Variants in CRTAM observed in about 807,000 individuals in gnomAD.
CRTAM encodes cytotoxic and regulatory T-cell molecule.
In CRTAM, 44 loss-of-function variants were observed where a neutral mutation model predicts 50.0. The observed-to-expected ratio is 0.88, with a 90% CI of 0.69 to 1.13. The LOEUF (loss-of-function observed/expected upper bound fraction) is 1.13, where lower values mean the gene tolerates loss of function less well. Among genes scored for constraint, CRTAM ranks in the 50% most tolerant of loss-of-function variants. The probability of loss-of-function intolerance (pLI) is 0.00; values close to 1 mark genes in which losing one functional copy is unlikely to be tolerated. For missense variants in CRTAM, 448 were observed against 457.5 expected (o/e 0.98, Z 0.19); for synonymous variants, 159 against 169.3 (o/e 0.94, Z 0.47).
intron 9 of CRTAM, among the ~76,000 whole-genome samples, chr11:122,869,777 A>G (rs1862231200): frequency 6.6e-6 from 1 of 152,174 alleles, no homozygotes; most frequent in South Asian, 2.1e-4. Flanking sequence ...GTGAACTGAA[A>G]AGAATGAATA....
intron 2 of CRTAM, 78 bp downstream of exon 2, chr11:122,850,292 A>T: frequency 7.0e-7 from 1 of 1,433,844 alleles, no homozygotes; most frequent in South Asian, 1.5e-5. Context: ...TTGGTGGGAC[A>T]GAAAGCCTGC....
chr11:122,869,860 G>A (rs1317021958), intron 9 of CRTAM, among the ~76,000 whole-genome samples: 3 of 152,154 alleles, frequency 2.0e-5, no homozygotes, highest in African/African-American at 4.8e-5. Flanking sequence ...GAAAATGTGT[G>A]TAAATAACAT....
intron 6 of CRTAM, among the ~76,000 whole-genome samples, chr11:122,864,411 G>T (rs1591356764): frequency 6.6e-6 from 1 of 152,122 alleles, no homozygotes; most frequent in East Asian, 1.9e-4. Flanking sequence ...TCAAGGCCAG[G>T]CACAGAGTAA....
chr11:122,855,919 C>A (rs549247711), intron 5 of CRTAM, 63 bp downstream of exon 5: 13 of 1,382,934 alleles, frequency 9.4e-6, no homozygotes, highest in Non-Finnish European at 1.3e-5. Context: ...CACTATCAAA[C>A]AAAATTAAAT....
intron 5 of CRTAM, among the ~76,000 whole-genome samples, chr11:122,859,032 T>A (rs1862039659): frequency 6.6e-6 from 1 of 152,152 alleles, no homozygotes; most frequent in African/African-American, 2.4e-5. Flanking sequence ...AAATTAAAAC[T>A]GAGAAATTAA....
intron 5 of CRTAM, among the ~76,000 whole-genome samples, chr11:122,858,549 A>G (rs1862033604): frequency 1.3e-5 from 2 of 151,386 alleles, no homozygotes; most frequent in South Asian, 2.1e-4. Flanking sequence ...GTTCTTGTTG[A>G]GACAAGGTCT....
intron 1 of CRTAM, among the ~76,000 whole-genome samples, chr11:122,848,109 C>T (rs541250849): frequency 1.3e-5 from 2 of 152,292 alleles, no homozygotes; most frequent in Non-Finnish European, 2.9e-5. Flanking sequence ...AGAACTGATG[C>T]GTGGGCCCCA....
At chr11:122,867,273 A>C in intron 7 of CRTAM, 136 bp from the exon 8 acceptor site, 1 of 691,578 alleles carries the variant, frequency 1.4e-6, no homozygotes, top group African/African-American at 1.8e-5. Flanking sequence ...CTTCAGGGGT[A>C]AGCTCTTTCT....
Position 122,854,054 on chromosome 11 carries a change from C to T in CRTAM, c.458C>T (p.Thr153Ile). The change falls in exon 4 of 10, where the codon ACC becomes ATC. Residue 153 changes from threonine (T) to isoleucine (I), a missense_variant. By Grantham distance (89) the Thr-to-Ile change is moderately conservative (BLOSUM62 -1). Coordinates refer to ENST00000227348, the MANE Select transcript of CRTAM (RefSeq NM_019604.4). ...TMRSKPPPQITWLLGNSMEVS... is the reference protein window; with the variant it reads ...TMRSKPPPQIIWLLGNSMEVS... The stretch of plus-strand genomic sequence containing the variant: ...AGAAGCAAGCCCCCTCCGCAGATAA[C>T]CTGGCTACTTGGGAATAGCATGGAA... 1 of 1,613,946 alleles carries T rather than the reference C, an allele frequency of 6.2e-7. No individual in the cohort carries two copies. The highest frequency in any genetic ancestry group is 8.5e-7 in the Non-Finnish European group (1 of 1,179,914).
chr11:122,845,174 A>G (rs950917374), intron 1 of CRTAM, among the ~76,000 whole-genome samples: 4 of 152,182 alleles, frequency 2.6e-5, no homozygotes, highest in East Asian at 3.9e-4. Flanking sequence ...AGAGACTGAC[A>G]TCTAGGGAAC....
intron 1 of CRTAM, among the ~76,000 whole-genome samples, chr11:122,841,989 A>AGTT (rs1246314205): frequency 6.6e-6 from 1 of 152,158 alleles, no homozygotes; most frequent in Non-Finnish European, 1.5e-5. Context: ...TTGAGTCTTG[A>AGTT]GTTGGGTCTT....
intron 1 of CRTAM, among the ~76,000 whole-genome samples, chr11:122,842,861 T>C (rs1315010069): frequency 1.3e-5 from 2 of 152,166 alleles, no homozygotes; most frequent in East Asian, 1.9e-4. Context: ...ATATCTGTGT[T>C]AGACATGGGT....
intron 5 of CRTAM, among the ~76,000 whole-genome samples, chr11:122,857,240 G>A (rs989046042): frequency 1.3e-5 from 2 of 152,072 alleles, no homozygotes; most frequent in African/African-American, 4.8e-5. Flanking sequence ...AAGCCGAGGC[G>A]GGCAGATCAC....
At chr11:122,856,678 C>A (rs911339237) in intron 5 of CRTAM, among the ~76,000 whole-genome samples, 1 of 152,206 alleles carries the variant, frequency 6.6e-6, no homozygotes, top group Non-Finnish European at 1.5e-5. Flanking sequence ...CAGACGAAAT[C>A]GCTGATGCTG....
At position 122,850,005 on chromosome 11, in the gene CRTAM, G is replaced by A. The variant is rs530572562; in HGVS notation, c.47-63G>A. 12 of 1,430,498 alleles carry A rather than the reference G, an allele frequency of 8.4e-6. No individual in the cohort carries two copies. The African/African-American group carries it at 1.4e-4, about 17-fold the overall frequency. 88.6% of individuals were successfully genotyped at this position (1,430,498 alleles called of 1,614,324 possible). A position where few individuals can be genotyped will look rare whatever the true frequency, so the allele number is the denominator to read the frequency against. On this transcript the variant is annotated intron_variant, in intron 1 of 9. Transcript: ENST00000227348. ...AATACATGATTGAATGAATGAACGAGACAAAATCCCTGAGACACTGTGGAC... is the reference window on the plus strand; with the variant it reads ...AATACATGATTGAATGAATGAACGAAACAAAATCCCTGAGACACTGTGGAC...
chr11:122,855,899 T>C (rs760356485), intron 5 of CRTAM, 43 bp downstream of exon 5: 1 of 1,532,674 alleles, frequency 6.5e-7, no homozygotes, highest in South Asian at 1.2e-5. Context: ...TTTGATTTAC[T>C]TTAATATTAC....
intron 5 of CRTAM, among the ~76,000 whole-genome samples, chr11:122,857,910 A>ATGTTT (rs746302547): frequency 1.1e-4 from 16 of 151,996 alleles, no homozygotes; most frequent in Admixed American, 3.3e-4. Context: ...CTTTGTTTTT[A>ATGTTT]TGTTTTGTTT....
intron 9 of CRTAM, among the ~76,000 whole-genome samples, chr11:122,869,132 T>C (rs924719477): frequency 1.3e-5 from 2 of 152,208 alleles, no homozygotes; most frequent in African/African-American, 4.8e-5. Context: ...AAATAAATAG[T>C]AGCAGTTAAG....
chr11:122,843,164 G>T (rs990374488), intron 1 of CRTAM, among the ~76,000 whole-genome samples: 3 of 152,160 alleles, frequency 2.0e-5, no homozygotes, highest in Non-Finnish European at 4.4e-5. Flanking sequence ...ACTGCTGCTT[G>T]TCCTTTTGTT....
Sources: allele counts gnomAD v4.1 joint callset (sites outside exome capture counted in the v4.1 genomes callset), GRCh38; gene constraint gnomAD v4.1.1; transcripts MANE v1.5; gene names NCBI Gene and HGNC (gene_info 2026-07-23, HGNC 2026-07-21).